Variants in OPCML observed in about 807,000 individuals in gnomAD.
OPCML encodes the protein opioid-binding protein/cell adhesion molecule.
OPCML carries 13 observed loss-of-function variants against 37.8 expected under a neutral mutation model. The ratio of observed to expected loss-of-function variants is 0.34; its 90% CI spans 0.22 to 0.55. The LOEUF (loss-of-function observed/expected upper bound fraction) is 0.55. Among genes scored for constraint, OPCML ranks in the 20% least tolerant of loss-of-function variants. The pLI is 0.91. For synonymous variants in OPCML, 176 were observed against 168.8 expected (o/e 1.04, Z -0.33); for missense variants, 341 against 435.6 (o/e 0.78, Z 1.93).
intron 1 of OPCML, among the ~76,000 whole-genome samples, chr11:133,321,661 C>T (rs1474675778): frequency 2.0e-5 from 3 of 152,194 alleles, no homozygotes; most frequent in Admixed American, 6.5e-5. Flanking sequence ...TTGCTTCTAA[C>T]TGCCTGTGCA....
intron 1 of OPCML, among the ~76,000 whole-genome samples, chr11:133,068,617 G>A (rs1948476596): frequency 6.6e-6 from 1 of 152,172 alleles, no homozygotes; most frequent in Non-Finnish European, 1.5e-5. Flanking sequence ...TTCACAGGAG[G>A]GCCTGTCAGG....
chr11:132,447,042 G>C (rs975623341), intron 4 of OPCML, among the ~76,000 whole-genome samples: 1 of 152,166 alleles, frequency 6.6e-6, no homozygotes. Context: ...GACCTACAGG[G>C]CTGGCATCTG....
intron 1 of OPCML, among the ~76,000 whole-genome samples, chr11:132,945,897 C>T (rs879945374): frequency 1.3e-5 from 2 of 152,198 alleles, no homozygotes; most frequent in Non-Finnish European, 2.9e-5. Context: ...ATTCTCCTGC[C>T]TCAGCCTCCC....
chr11:133,303,203 G>C (rs1428749191), intron 1 of OPCML, among the ~76,000 whole-genome samples: 1 of 152,170 alleles, frequency 6.6e-6, no homozygotes, highest in Non-Finnish European at 1.5e-5. Context: ...TGGAGCAAAA[G>C]AGGGAAAATA....
intron 2 of OPCML, among the ~76,000 whole-genome samples, chr11:132,913,498 C>A (rs1944493112): frequency 6.6e-6 from 1 of 152,192 alleles, no homozygotes; most frequent in South Asian, 2.1e-4. Context: ...ACTTCACATT[C>A]CCCCTTTCTG....
In OPCML at chr11:133,439,514, C is replaced by A. The variant is rs1693949627; in HGVS notation, c.61+92750G>T. Reference sequence around the variant, plus strand: ...ATGGAGTCTCACTCTGTCGCCCAGGCTGGAGTGCAGTGGCTCCATCTCTGC... The same window carrying A: ...ATGGAGTCTCACTCTGTCGCCCAGGATGGAGTGCAGTGGCTCCATCTCTGC... On this transcript the variant is annotated intron_variant, in intron 1 of 7. Coordinates refer to ENST00000524381, the MANE Select transcript of OPCML (RefSeq NM_001012393.5). 4.6e-6 allele frequency: 4 copies of A among 877,974 alleles called. 1 individual carries two copies. The South Asian group carries it at 2.1e-4, about 46-fold the overall frequency. The allele number at this position is 877,974 out of a possible 1,614,324, so 54.4% of individuals were successfully genotyped here.
intron 1 of OPCML, among the ~76,000 whole-genome samples, chr11:133,168,543 C>T (rs1424217207): frequency 6.6e-6 from 1 of 152,174 alleles, no homozygotes; most frequent in Non-Finnish European, 1.5e-5. Context: ...TGGCAGAAGA[C>T]TTTAAGTAAT....
intron 1 of OPCML, among the ~76,000 whole-genome samples, chr11:133,083,815 C>T (rs1565439022): frequency 6.6e-6 from 1 of 152,202 alleles, no homozygotes; most frequent in Non-Finnish European, 1.5e-5. Context: ...AGGAAGGATT[C>T]GCTGCACGGA....
chr11:132,434,846 C>G lies in OPCML; in HGVS notation c.916+1240G>C, dbSNP rs973144026. 8.5e-5 allele frequency among the ~76,000 whole-genome samples: 13 copies of G among 152,176 alleles called. No individual in the cohort carries two copies. The East Asian group carries it at 1.2e-3, about 14-fold the overall frequency. On this transcript the variant is annotated intron_variant, in intron 7 of 7. Coordinates refer to ENST00000524381, the MANE Select transcript of OPCML (RefSeq NM_001012393.5). ...CAGTTGGTCTCTGGGCTGGGTTGCT[C>G]TTGGTGCTGCTGTGTACAGAAATAG...
intron 1 of OPCML, among the ~76,000 whole-genome samples, chr11:133,462,729 G>C (rs1946885329): frequency 6.6e-6 from 1 of 152,086 alleles, no homozygotes; most frequent in South Asian, 2.1e-4. Context: ...TAGCATTGCT[G>C]GTAAAAATGT....
At chr11:133,455,736 A>T (rs1036326309) in intron 1 of OPCML, among the ~76,000 whole-genome samples, 3 of 152,294 alleles carry the variant, frequency 2.0e-5, no homozygotes, top group Middle Eastern at 6.8e-3. Flanking sequence ...CCCCACTGAA[A>T]CATTAAATAA....
At chr11:132,842,318 A>G (rs1168607271) in intron 2 of OPCML, among the ~76,000 whole-genome samples, 1 of 152,200 alleles carries the variant, frequency 6.6e-6, no homozygotes, top group Non-Finnish European at 1.5e-5. Context: ...GAGGTCGCTG[A>G]GGGTCACGCT....
intron 4 of OPCML, among the ~76,000 whole-genome samples, chr11:132,445,262 G>T (rs1234721036): frequency 6.6e-6 from 1 of 152,228 alleles, no homozygotes; most frequent in African/African-American, 2.4e-5. Context: ...TTCCCTGGCA[G>T]GGGTGAGTTT....
At chr11:132,652,413 T>C (rs1174641111) in intron 3 of OPCML, among the ~76,000 whole-genome samples, 1 of 148,458 alleles carries the variant, frequency 6.7e-6, no homozygotes, top group Non-Finnish European at 1.5e-5. Flanking sequence ...AAATGTTCCA[T>C]TGATCTAGAG....
At chr11:133,450,384 C>G (rs1041822899) in intron 1 of OPCML, among the ~76,000 whole-genome samples, 1 of 151,476 alleles carries the variant, frequency 6.6e-6, no homozygotes, top group South Asian at 2.1e-4. Context: ...AATGACACAT[C>G]GGTACAAATC....
At chr11:132,674,285 G>A (rs1241147769) in intron 2 of OPCML, among the ~76,000 whole-genome samples, 1 of 152,170 alleles carries the variant, frequency 6.6e-6, no homozygotes, top group Admixed American at 6.5e-5. Context: ...CAGCTTTGCT[G>A]TGGGTGGAAG....
intron 1 of OPCML, among the ~76,000 whole-genome samples, chr11:133,452,244 A>G (rs914255474): frequency 2.0e-5 from 3 of 151,724 alleles, no homozygotes; most frequent in Non-Finnish European, 2.9e-5. Flanking sequence ...AAGAATAGAA[A>G]GGGAAATACA....
intron 4 of OPCML, among the ~76,000 whole-genome samples, chr11:132,509,060 C>G (rs1268965648): frequency 6.6e-6 from 1 of 152,068 alleles, no homozygotes; most frequent in East Asian, 1.9e-4. Context: ...ATAATAAGGT[C>G]CAGGCTGAGG....
At chr11:132,618,624 A>C (rs983756739) in intron 3 of OPCML, among the ~76,000 whole-genome samples, 1 of 152,220 alleles carries the variant, frequency 6.6e-6, no homozygotes, top group South Asian at 2.1e-4. Flanking sequence ...ACAAAAACCT[A>C]CCAACTTCTT....
Sources: gnomAD v4.1 joint callset for allele counts (sites outside exome capture counted in the v4.1 genomes callset) on GRCh38, gnomAD v4.1.1 for gene constraint, MANE v1.5 for transcripts, NCBI Gene and HGNC (gene_info 2026-07-23, HGNC 2026-07-21) for gene names.